Variants in ZFPM2 observed in about 807,000 individuals in gnomAD.
ZFPM2 encodes zinc finger protein ZFPM2.
ZFPM2 carries 20 observed loss-of-function variants against 98.6 expected under a neutral mutation model. The ratio of observed to expected loss-of-function variants is 0.20; its 90% CI spans 0.14 to 0.29. The LOEUF (loss-of-function observed/expected upper bound fraction) is 0.29. ZFPM2 is among the 10% of genes least tolerant of loss of function. ZFPM2 has a pLI of 1.00. For missense variants in ZFPM2, 1,310 were observed against 1,388.6 expected (o/e 0.94, Z 0.90); for synonymous variants, 518 against 502.7 (o/e 1.03, Z -0.41).
intron 2 of ZFPM2, 89 bp from the exon 3 acceptor site, chr8:105,444,191 T>C: frequency 1.1e-5 from 11 of 969,090 alleles, no homozygotes; most frequent in Non-Finnish European, 9.7e-6. Flanking sequence ...TAATTAGATA[T>C]ATGATAAGGA....
intron 4 of ZFPM2, among the ~76,000 whole-genome samples, chr8:105,596,091 C>T (rs1815964378): frequency 6.6e-6 from 1 of 151,126 alleles, no homozygotes; most frequent in African/African-American, 2.4e-5. Flanking sequence ...ATTTAGTAGA[C>T]ACTACTTCTG....
At chr8:105,388,762 G>A (rs1318418231) in intron 1 of ZFPM2, among the ~76,000 whole-genome samples, 1 of 152,182 alleles carries the variant, frequency 6.6e-6, no homozygotes, top group Non-Finnish European at 1.5e-5. Context: ...GCTCAGGGAA[G>A]TTAACAGCTT....
At chr8:105,582,668 A>T (rs1184494739) in intron 4 of ZFPM2, among the ~76,000 whole-genome samples, 1 of 152,112 alleles carries the variant, frequency 6.6e-6, no homozygotes, top group African/African-American at 2.4e-5. Context: ...ATCTCCACTC[A>T]CTGCCACCTC....
At chr8:105,343,198 T>G (rs998160591) in intron 1 of ZFPM2, among the ~76,000 whole-genome samples, 8 of 152,114 alleles carry the variant, frequency 5.3e-5, no homozygotes, top group Admixed American at 4.6e-4. Context: ...GAACTTTATT[T>G]GCTGCTAAAA....
intron 1 of ZFPM2, among the ~76,000 whole-genome samples, chr8:105,342,415 A>G (rs1457188403): frequency 6.6e-6 from 1 of 152,072 alleles, no homozygotes; most frequent in Non-Finnish European, 1.5e-5. Flanking sequence ...TCTTGATGGA[A>G]GGGCACAACT....
At chr8:105,632,937 A>AT (rs34194010) in intron 4 of ZFPM2, among the ~76,000 whole-genome samples, 4 of 152,058 alleles carry the variant, frequency 2.6e-5, no homozygotes, top group Admixed American at 1.3e-4. Flanking sequence ...ATCATGGTTG[A>AT]TTTTTCCATT....
intron 5 of ZFPM2, among the ~76,000 whole-genome samples, chr8:105,779,824 T>C (rs1052132112): frequency 2.0e-5 from 3 of 152,130 alleles, no homozygotes; most frequent in African/African-American, 7.2e-5. Flanking sequence ...AGTGAAAAAT[T>C]TGGCAGGATG....
chr8:105,778,328 G>GA lies in ZFPM2; in HGVS notation c.533-10383dup, dbSNP rs1586256669. Among the ~76,000 whole-genome samples the GA allele has an allele frequency of 2.6e-5, 4 of 152,034 alleles. No individual in the cohort carries two copies. The East Asian group carries it at 5.8e-4, about 22-fold the overall frequency. On this transcript the variant is annotated intron_variant, in intron 5 of 7. Transcript: ENST00000407775. ...TTCTGACCAATCACTTCTCAGTTAT[G>GA]AAAAAAACAGATTTCAGAGGGAGGT...
chr8:105,520,490 A>T (rs1363038438), intron 3 of ZFPM2, among the ~76,000 whole-genome samples: 1 of 152,168 alleles, frequency 6.6e-6, no homozygotes, highest in Non-Finnish European at 1.5e-5. Flanking sequence ...TAAGAGAAAA[A>T]ATATAATTTA....
chr8:105,642,676 A>G (rs1426175787), intron 5 of ZFPM2, among the ~76,000 whole-genome samples: 4 of 152,170 alleles, frequency 2.6e-5, no homozygotes, highest in Admixed American at 1.3e-4. Flanking sequence ...TGCCCACGAT[A>G]TGGCCCAGGT....
intron 5 of ZFPM2, among the ~76,000 whole-genome samples, chr8:105,710,084 G>A (rs938563795): frequency 1.4e-5 from 2 of 147,328 alleles, no homozygotes; most frequent in African/African-American, 4.9e-5. Flanking sequence ...CCATTATTTA[G>A]TCTGATCCTT....
intron 1 of ZFPM2, among the ~76,000 whole-genome samples, chr8:105,352,820 T>C (rs76492759): frequency 0.016 from 2,486 of 152,220 alleles, 54 homozygotes; most frequent in African/African-American, 0.05. Context: ...TTAAACCTTA[T>C]CTGTATGCCT....
intron 3 of ZFPM2, among the ~76,000 whole-genome samples, chr8:105,506,298 T>C (rs140957437): frequency 6.6e-6 from 1 of 152,194 alleles, no homozygotes; most frequent in African/African-American, 2.4e-5. Context: ...TTTGAACATA[T>C]GAATTTCATC....
chr8:105,420,446 C>G (rs1233123200), intron 2 of ZFPM2, among the ~76,000 whole-genome samples: 2 of 152,174 alleles, frequency 1.3e-5, no homozygotes, highest in Middle Eastern at 3.4e-3. Flanking sequence ...AGTAGAACCC[C>G]TGGCTCTAAA....
intron 3 of ZFPM2, among the ~76,000 whole-genome samples, chr8:105,489,394 ATTTT>A (rs1813306284): frequency 6.8e-6 from 1 of 146,354 alleles, no homozygotes; most frequent in Non-Finnish European, 1.5e-5. Context: ...ATAGATATAT[ATTTT>A]ATATATATTT....
At chr8:105,653,940 A>C (rs1035925534) in intron 5 of ZFPM2, among the ~76,000 whole-genome samples, 1 of 137,380 alleles carries the variant, frequency 7.3e-6, no homozygotes, top group Non-Finnish European at 1.5e-5. Context: ...AAGAAAAGAA[A>C]ATGCTGCTCT....
chr8:105,433,250 A>G (rs1006097862), intron 2 of ZFPM2, among the ~76,000 whole-genome samples: 1 of 152,212 alleles, frequency 6.6e-6, no homozygotes, highest in African/African-American at 2.4e-5. Context: ...AATTTCCCTT[A>G]TGCATCAAAT....
At chr8:105,382,450 C>G (rs75279973) in intron 1 of ZFPM2, among the ~76,000 whole-genome samples, 1 of 151,860 alleles carries the variant, frequency 6.6e-6, no homozygotes, top group Non-Finnish European at 1.5e-5. Flanking sequence ...TTATTAAACA[C>G]TTTTGTCAAT....
At chr8:105,763,264 A>C (rs1394281132) in intron 5 of ZFPM2, among the ~76,000 whole-genome samples, 2 of 151,836 alleles carry the variant, frequency 1.3e-5, no homozygotes, top group Non-Finnish European at 2.9e-5. Flanking sequence ...GTGCATATTT[A>C]TTCCAAAATT....
Sources: gnomAD v4.1 joint callset for allele counts (sites outside exome capture counted in the v4.1 genomes callset) on GRCh38, gnomAD v4.1.1 for gene constraint, MANE v1.5 for transcripts, NCBI Gene and HGNC (gene_info 2026-07-23, HGNC 2026-07-21) for gene names.